ARL13A: variants seen among roughly 807,000 people sequenced by gnomAD.
ARL13A encodes the protein ARF like GTPase 13A.
A neutral mutation model predicts 19.1 loss-of-function variants in ARL13A; 16 were observed. The ratio of observed to expected loss-of-function variants is 0.84; its 90% CI spans 0.57 to 1.27. The LOEUF is 1.27. ARL13A is among the 50% of genes most tolerant of loss of function. The probability of loss-of-function intolerance (pLI) is 0.00; values close to 1 mark genes in which losing one functional copy is unlikely to be tolerated. For synonymous variants in ARL13A, 69 were observed against 71.3 expected, an observed-to-expected ratio of 0.97 and a Z score of 0.17; for missense variants, 153 against 186.4, an observed-to-expected ratio of 0.82 and a Z score of 1.04.
At position 100,988,372 on chromosome X, in the gene ARL13A, G is replaced by A. The variant is rs753534818; in HGVS notation, c.744+89G>A. 1.7e-5 allele frequency: 20 copies of A among 1,205,104 alleles called. No homozygotes were observed. In the Admixed American group the frequency reaches 4.0e-4, roughly 24 times the overall value. Reference sequence around the variant, plus strand: ...CTTTCCCCCCCATCATCTTCTTGCTGTACAGAAAGAAGGTACGAGATTATG... The same window carrying A: ...CTTTCCCCCCCATCATCTTCTTGCTATACAGAAAGAAGGTACGAGATTATG... On this transcript the variant is annotated intron_variant, in intron 7 of 7. Coordinates refer to ENST00000450049, the MANE Select transcript of ARL13A (RefSeq NM_001162491.2).
intron 3 of ARL13A, among the ~76,000 whole-genome samples, chrX:100,984,910 G>A (rs1230984449): frequency 8.9e-6 from 1 of 112,047 alleles, no homozygotes; most frequent in Non-Finnish European, 1.9e-5. Context: ...GAATGTAATG[G>A]TGAATAAATT....
At chrX:100,986,574 A>T (rs1339092567) in intron 4 of ARL13A, among the ~76,000 whole-genome samples, 1 of 112,311 alleles carries the variant, frequency 8.9e-6, no homozygotes, top group Non-Finnish European at 1.9e-5. Flanking sequence ...TGGGGGGACT[A>T]TCTTGGATTC....
intron 3 of ARL13A, among the ~76,000 whole-genome samples, chrX:100,978,922 T>G (rs2085810454): frequency 9.0e-6 from 1 of 111,065 alleles, no homozygotes; most frequent in Admixed American, 9.7e-5. Context: ...TTTTTTAATA[T>G]TCACCCACTG....
rs1299198370 is a variant in ARL13A at position 100,985,881 on chromosome X, G to A, written c.345G>A (p.Leu115=). 8.3e-7 allele frequency: 1 copy of A among 1,209,108 alleles called. No individual in the cohort carries two copies. Among genetic ancestry groups the A allele is most frequent in the Non-Finnish European group, 1.1e-6 (1 of 894,368 alleles). The change falls in exon 4 of 8, where the codon CTG becomes CTA. Residue 115 remains leucine (L), a synonymous_variant. Transcript: ENST00000450049. ...TGAAGATCATCTTAACACATCTGCT[G>A]TCCGATAAAAGAGTGGCAGGGAAAC... ...QEVKIILTHL[L]SDKRVAGKPI...
At chrX:100,975,026 C>A (rs752079749) in intron 3 of ARL13A, among the ~76,000 whole-genome samples, 37 of 111,767 alleles carry the variant, frequency 3.3e-4, no homozygotes, top group African/African-American at 1.0e-3. Flanking sequence ...TTTGTCCCCC[C>A]CAGTATTCAA....
chrX:100,973,385 C>T (rs1342369167), intron 1 of ARL13A, among the ~76,000 whole-genome samples: 1 of 100,608 alleles, frequency 9.9e-6, no homozygotes, highest in African/African-American at 3.6e-5. Context: ...CCCTCGGGCC[C>T]CGCGGGGCCC....
rs778269969 is a variant in ARL13A, at chrX:100,971,487, T to C, written c.-15+1678T>C. On this transcript the variant is annotated intron_variant, in intron 1 of 7. Coordinates refer to ENST00000450049, the MANE Select transcript of ARL13A (RefSeq NM_001162491.2). ...CTGATTATGTCTGTGTAGTCTGCTA[T>C]ACTAAGAAATCACCCCATTTTGAAG... is the stretch of plus-strand genomic sequence containing the variant. Among the ~76,000 whole-genome samples, 405 of 98,203 alleles carry C rather than the reference T, an allele frequency of 4.1e-3. 2 individuals are homozygous for C. The highest frequency in any genetic ancestry group is 6.0e-3 in the Non-Finnish European group (296 of 49,521). The allele number at this position is 98,203 out of a possible 115,157, so 85.3% of individuals were successfully genotyped here. A position where few individuals can be genotyped will look rare whatever the true frequency, so the allele number is the denominator to read the frequency against.
intron 1 of ARL13A, among the ~76,000 whole-genome samples, chrX:100,970,192 T>C (rs2085637966): frequency 8.9e-6 from 1 of 112,767 alleles, no homozygotes; most frequent in Non-Finnish European, 1.9e-5. Context: ...ATCAGCTTCA[T>C]GTGCAAAACT....
At chrX:100,980,862 G>A (rs771496572) in intron 3 of ARL13A, among the ~76,000 whole-genome samples, 1 of 111,723 alleles carries the variant, frequency 9.0e-6, no homozygotes, top group Non-Finnish European at 1.9e-5. Context: ...TTCCCTTCTG[G>A]CCCAGGATGG....
intron 5 of ARL13A, among the ~76,000 whole-genome samples, chrX:100,987,168 C>T (rs2085946887): frequency 8.9e-6 from 1 of 112,298 alleles, no homozygotes; most frequent in African/African-American, 3.2e-5. Flanking sequence ...CAAGGTCACA[C>T]ACCCAAGACA....
chrX:100,973,835 AT>A, intron 2 of ARL13A, 87 bp downstream of exon 2: 3 of 968,551 alleles, frequency 3.1e-6, no homozygotes, highest in Non-Finnish European at 4.4e-6. Flanking sequence ...AATCTTCATA[AT>A]ATATATTGTT....
Position 100,990,810 on chromosome X carries a change from A to G in ARL13A, c.*222A>G. On this transcript the variant is annotated 3_prime_UTR_variant, in exon 8 of 8. Transcript: ENST00000450049. ...AGGCAGAAAAGGATTGGCAAAAATA[A>G]ATAGAACTTCTTTGCTGAGAATTAT... 5.3e-6 allele frequency: 2 copies of G among 374,555 alleles called. No individual in the cohort carries two copies. The highest frequency in any genetic ancestry group is 9.9e-5 in the South Asian group (2 of 20,265). The allele number at this position is 374,555 out of a possible 1,213,427, so 30.9% of individuals were successfully genotyped here.
intron 4 of ARL13A, 129 bp downstream of exon 4, chrX:100,986,045 A>C: frequency 1.3e-6 from 1 of 799,722 alleles, no homozygotes; most frequent in Non-Finnish European, 1.7e-6. Flanking sequence ...TCAGTGAGGT[A>C]GAGCGGCCCA....
At position 100,974,864 on chromosome X, in the gene ARL13A, G is replaced by T. The variant is rs370840507; in HGVS notation, c.130+667G>T. Among the ~76,000 whole-genome samples the T allele has an allele frequency of 4.5e-5, 5 of 111,688 alleles. No homozygotes were observed. In the East Asian group the frequency reaches 1.4e-3, roughly 31 times the overall value. On this transcript the variant is annotated intron_variant, in intron 3 of 7. Transcript: ENST00000450049. ...CTCCATCCATGTTTATTGGATAAAT[G>T]AAGTAGTATGATGACGTGGTTGAGT... is the stretch of plus-strand genomic sequence containing the variant.
chrX:100,982,673 A>G (rs1164384733), intron 3 of ARL13A, among the ~76,000 whole-genome samples: 2 of 96,125 alleles, frequency 2.1e-5, no homozygotes, highest in Non-Finnish European at 4.1e-5. Context: ...TTTGAGACAG[A>G]GTCTCACTCT....
At position 100,987,436 on chromosome X, in the gene ARL13A, C is replaced by T. The variant is rs1488114430; in HGVS notation, c.533C>T (p.Pro178Leu). ...IRNLERRNHQPIVEGLRWLLA... is the reference protein window; with the variant it reads ...IRNLERRNHQLIVEGLRWLLA... ...AACCTTGAAAGAAGAAACCATCAGC[C>T]CATAGTTGAAGGACTGCGCTGGCTA... is the stretch of plus-strand genomic sequence containing the variant. The change falls in exon 6 of 8, where the codon CCC becomes CTC. Residue 178 changes from proline to leucine, a missense_variant. Coordinates refer to ENST00000450049, the MANE Select transcript of ARL13A (RefSeq NM_001162491.2). 1.7e-6 allele frequency: 2 copies of T among 1,211,082 alleles called. No homozygotes were observed. The highest frequency in any genetic ancestry group is 3.0e-5 in the East Asian group (1 of 33,836).
chrX:100,989,596 G>A (rs760657574), intron 7 of ARL13A, among the ~76,000 whole-genome samples: 3 of 106,179 alleles, frequency 2.8e-5, no homozygotes, highest in East Asian at 2.9e-4. Flanking sequence ...GCAACAGAGC[G>A]GGACTCCATC....
At chrX:100,979,650 T>C (rs2085823727) in intron 3 of ARL13A, among the ~76,000 whole-genome samples, 1 of 111,587 alleles carries the variant, frequency 9.0e-6, no homozygotes, top group African/African-American at 3.3e-5. Context: ...TCCTGGATGG[T>C]CTTGATGTTT....
At position 100,987,378 on chromosome X, in the gene ARL13A, C is replaced by G; in HGVS notation, c.487-12C>G. 1 of 1,208,562 alleles carries G rather than the reference C, an allele frequency of 8.3e-7. No homozygotes were observed. Among genetic ancestry groups the G allele is most frequent in the South Asian group, 1.8e-5 (1 of 56,598 alleles). On this transcript the variant is annotated splice_polypyrimidine_tract_variant and intron_variant, in intron 5 of 7. Coordinates refer to ENST00000450049, the MANE Select transcript of ARL13A (RefSeq NM_001162491.2). ...CTCCAGGTCTGCAGCCTTCTCTTCT[C>G]TTTTGTCACAGGAGCCATGTTCAGC...
Sources: allele counts gnomAD v4.1 joint callset (sites outside exome capture counted in the v4.1 genomes callset), GRCh38; gene constraint gnomAD v4.1.1; transcripts MANE v1.5; gene names NCBI Gene and HGNC (gene_info 2026-07-23, HGNC 2026-07-21).